STXBP4: variants seen among roughly 807,000 people sequenced by gnomAD.
STXBP4 encodes the protein syntaxin-binding protein 4.
STXBP4 carries 55 observed loss-of-function variants against 76.1 expected under a neutral mutation model. The ratio of observed to expected loss-of-function variants is 0.72; its 90% CI spans 0.58 to 0.91. The LOEUF (loss-of-function observed/expected upper bound fraction) is 0.91, where lower values mean the gene tolerates loss of function less well. STXBP4 is among the 40% of genes least tolerant of loss of function. The pLI is 0.00. For synonymous variants in STXBP4, 201 were observed against 220.2 expected (o/e 0.91, Z 0.77); for missense variants, 618 against 636.9 (o/e 0.97, Z 0.32).
At chr17:55,031,448 CAGAA>C (rs937415631) in intron 9 of STXBP4, among the ~76,000 whole-genome samples, 184 bp downstream of exon 9, 1 of 144,160 alleles carries the variant, frequency 6.9e-6, no homozygotes, top group Non-Finnish European at 1.6e-5. Flanking sequence ...GCAGGGTCAG[CAGAA>C]AGAAGAATTT....
At chr17:55,204,771 AG>A in the STXBP4 span, among the ~76,000 whole-genome samples, 1,712 of 151,756 alleles carry the variant, frequency 0.011, 29 homozygotes, top group African/African-American at 0.039. Context: ...TGCTTGCTCA[AG>A]TACTGGCTGC....
chr17:54,987,702 C>T (rs900663779), intron 3 of STXBP4, among the ~76,000 whole-genome samples: 2 of 152,062 alleles, frequency 1.3e-5, no homozygotes, highest in African/African-American at 2.4e-5. Context: ...TATTTTTTGC[C>T]AGAGTATCTT....
At chr17:55,137,787 AT>A (rs573967937) in intron 16 of STXBP4, among the ~76,000 whole-genome samples, 129 of 152,248 alleles carry the variant, frequency 8.5e-4, no homozygotes, top group Non-Finnish European at 1.4e-3. Context: ...AGCATTGAAA[AT>A]TTTAGATAGG....
chr17:54,988,873 A>G (rs1172541062), intron 3 of STXBP4, among the ~76,000 whole-genome samples: 1 of 152,182 alleles, frequency 6.6e-6, no homozygotes. Flanking sequence ...TAGAAACCAG[A>G]TAGGCCTTCC....
intron 16 of STXBP4, among the ~76,000 whole-genome samples, chr17:55,104,759 G>A (rs1253633424): frequency 2.0e-5 from 3 of 152,036 alleles, no homozygotes; most frequent in Non-Finnish European, 2.9e-5. Context: ...TCTGGTTCTG[G>A]GCTTTTTTTG....
chr17:55,178,298 A>G (rs911198222), downstream of STXBP4, among the ~76,000 whole-genome samples: 5 of 152,176 alleles, frequency 3.3e-5, no homozygotes, highest in African/African-American at 1.2e-4. Flanking sequence ...CAGCGTGGGC[A>G]TTATTGTCCC....
the STXBP4 span, among the ~76,000 whole-genome samples, chr17:55,185,329 C>CCTTCTCCTT: frequency 5.1e-5 from 7 of 138,384 alleles, no homozygotes; most frequent in South Asian, 2.5e-4. Flanking sequence ...TTCTCCTTCT[C>CCTTCTCCTT]CTCCTCCTCC....
At chr17:55,156,177 C>CT (rs2080274598) in intron 17 of STXBP4, among the ~76,000 whole-genome samples, 1 of 152,132 alleles carries the variant, frequency 6.6e-6, no homozygotes, top group Non-Finnish European at 1.5e-5. Flanking sequence ...TTCCAAACCT[C>CT]TAAATTTTTT....
rs558745859 is a variant in STXBP4, at chr17:55,034,249, T to G, written c.845T>G (p.Leu282Ter). Residue 282 changes from leucine to a stop codon, truncating the protein, a stop_gained, in exon 10 of 18, where the codon TTA becomes TGA. Coordinates refer to ENST00000376352, the MANE Select transcript of STXBP4 (RefSeq NM_178509.6). LOFTEE classifies it high-confidence loss of function. ...NVGAHEISNI[L>*]DSQLLPCDSS... is the part of the protein sequence containing the mutation. The stretch of plus-strand genomic sequence containing the variant: ...GGTGCACATGAAATTTCCAATATAT[T>G]AGATTCACAGGTAGAGTATGCCCTA... 2 of 1,611,016 alleles carry G rather than the reference T, an allele frequency of 1.2e-6. No individual in the cohort carries two copies. The highest frequency in any genetic ancestry group is 2.2e-5 in the South Asian group (2 of 90,586).
intron 1 of STXBP4, among the ~76,000 whole-genome samples, chr17:54,972,377 A>C (rs537119362): frequency 1.3e-5 from 2 of 152,312 alleles, no homozygotes; most frequent in African/African-American, 2.4e-5. Flanking sequence ...TAATGTTATC[A>C]GTCCTTCTAG....
At chr17:55,147,190 G>C (rs144160874) in intron 17 of STXBP4, among the ~76,000 whole-genome samples, 1 of 152,326 alleles carries the variant, frequency 6.6e-6, no homozygotes, top group East Asian at 1.9e-4. Flanking sequence ...TTTGGCACGA[G>C]GAACCCATTT....
intron 16 of STXBP4, among the ~76,000 whole-genome samples, chr17:55,088,174 A>G (rs1177031413): frequency 6.6e-6 from 1 of 152,214 alleles, no homozygotes; most frequent in Non-Finnish European, 1.5e-5. Context: ...CTTTTTCTGC[A>G]TGGAAAACAA....
At chr17:55,124,796 G>A (rs2079889673) in intron 16 of STXBP4, among the ~76,000 whole-genome samples, 1 of 152,208 alleles carries the variant, frequency 6.6e-6, no homozygotes, top group African/African-American at 2.4e-5. Context: ...TCAAGGTGGT[G>A]GAAAAGTAAG....
intron 17 of STXBP4, among the ~76,000 whole-genome samples, chr17:55,156,662 C>T (rs1739975806): frequency 6.6e-6 from 1 of 152,120 alleles, no homozygotes; most frequent in Non-Finnish European, 1.5e-5. Flanking sequence ...GAACACGTCT[C>T]TCTGTTGCTT....
At chr17:55,004,178 A>C (rs894465545) in intron 7 of STXBP4, among the ~76,000 whole-genome samples, 1 of 150,598 alleles carries the variant, frequency 6.6e-6, no homozygotes, top group African/African-American at 2.5e-5. Context: ...GCAAGATGCC[A>C]TCTCAAAAAA....
chr17:55,153,059 C>T (rs1238605309), intron 17 of STXBP4, among the ~76,000 whole-genome samples: 4 of 152,030 alleles, frequency 2.6e-5, no homozygotes, highest in East Asian at 1.9e-4. Context: ...GTCTAGATCC[C>T]GGCTCTAACA....
intron 12 of STXBP4, among the ~76,000 whole-genome samples, chr17:55,051,324 G>GA (rs138623600): frequency 5.9e-5 from 9 of 151,842 alleles, no homozygotes; most frequent in African/African-American, 1.7e-4. Context: ...TTATGGTAAG[G>GA]AAAAAAAACA....
At chr17:55,159,485 A>G (rs1372951688) in intron 17 of STXBP4, among the ~76,000 whole-genome samples, 1 of 152,230 alleles carries the variant, frequency 6.6e-6, no homozygotes, top group Non-Finnish European at 1.5e-5. Flanking sequence ...AGCAAGAAAC[A>G]GATTCCAGAG....
chr17:55,074,870 A>G (rs762444174), intron 13 of STXBP4, among the ~76,000 whole-genome samples: 3 of 152,024 alleles, frequency 2.0e-5, no homozygotes, highest in African/African-American at 4.8e-5. Context: ...TCTAAACCCA[A>G]TATCAGTGGA....
Sources: allele counts gnomAD v4.1 joint callset (sites outside exome capture counted in the v4.1 genomes callset), GRCh38; gene constraint gnomAD v4.1.1; transcripts MANE v1.5; gene names NCBI Gene and HGNC (gene_info 2026-07-23, HGNC 2026-07-21).